Variants in AKR1B10 observed in about 807,000 individuals in gnomAD.
The protein encoded by AKR1B10 is aldo-keto reductase family 1 member B10, also known as ARP.
A neutral mutation model predicts 38.9 loss-of-function variants in AKR1B10; 39 were observed. The ratio of observed to expected loss-of-function variants is 1.00; its 90% CI spans 0.78 to 1.31. The LOEUF (loss-of-function observed/expected upper bound fraction) is 1.31. Among genes scored for constraint, AKR1B10 ranks in the 50% most tolerant of loss-of-function variants. AKR1B10 has a pLI of 0.00. For synonymous variants in AKR1B10, 148 were observed against 141.2 expected (o/e 1.05, Z -0.34); for missense variants, 361 against 382.6 (o/e 0.94, Z 0.47).
At chr7:134,531,821 G>A in intron 2 of AKR1B10, 87 bp from the exon 3 acceptor site, 2 of 1,490,130 alleles carry the variant, frequency 1.3e-6, no homozygotes, top group Non-Finnish European at 9.3e-7. Context: ...GGTTAGATGA[G>A]GATGCAAATC....
chr7:134,528,000 A>G (rs919472968), intron 1 of AKR1B10, 23 bp downstream of exon 1: 3 of 1,612,794 alleles, frequency 1.9e-6, no homozygotes, highest in Non-Finnish European at 2.5e-6. Context: ...ATCTTTGCAC[A>G]CCCTTCTTCT....
At chr7:134,536,541 CCT>C in intron 4 of AKR1B10, 107 bp from the exon 5 acceptor site, 1 of 1,491,646 alleles carries the variant, frequency 6.7e-7, no homozygotes, top group Non-Finnish European at 8.9e-7. Context: ...TTCGGCTAAC[CCT>C]GTTACGGTGG....
intron 2 of AKR1B10, 143 bp from the exon 3 acceptor site, chr7:134,531,765 C>A: frequency 1.1e-6 from 1 of 898,446 alleles, no homozygotes; most frequent in Non-Finnish European, 1.8e-6. Flanking sequence ...ATGTTCCACA[C>A]TGTGTCGTGG....
intron 1 of AKR1B10, 24 bp downstream of exon 1, chr7:134,528,001 C>A: frequency 6.2e-7 from 1 of 1,612,756 alleles, no homozygotes; most frequent in Non-Finnish European, 8.5e-7. Context: ...TCTTTGCACA[C>A]CCTTCTTCTC....
In AKR1B10 at chr7:134,537,250, G is replaced by C. The variant is rs1808037844; in HGVS notation, c.659+93G>C. ...GTTGGTATGGGTCCATAAGTTACTG[G>C]AAAGAAAAATGTGTGTAAGGTAACA... is the stretch of plus-strand genomic sequence containing the variant. On this transcript the variant is annotated intron_variant, in intron 6 of 9. Transcript: ENST00000359579. The C allele has an allele frequency of 2.0e-6, 3 of 1,487,056 alleles. No individual in the cohort carries two copies. The East Asian group carries it at 7.4e-5, about 37-fold the overall frequency. 92.1% of individuals were successfully genotyped at this position (1,487,056 alleles called of 1,614,324 possible). A position where few individuals can be genotyped will look rare whatever the true frequency, so the allele number is the denominator to read the frequency against.
intron 1 of AKR1B10, among the ~76,000 whole-genome samples, chr7:134,529,933 G>A (rs1232227579): frequency 6.6e-6 from 1 of 151,734 alleles, no homozygotes; most frequent in Non-Finnish European, 1.5e-5. Context: ...ATTGTATAAT[G>A]ATGGCCTCTA....
chr7:134,537,339 C>T (rs138166076), intron 6 of AKR1B10, among the ~76,000 whole-genome samples, 182 bp downstream of exon 6: 1 of 147,036 alleles, frequency 6.8e-6, no homozygotes, highest in Admixed American at 6.8e-5. Flanking sequence ...AACAACAACA[C>T]CAAGGGCGAC....
chr7:134,532,823 G>C (rs1310478346), intron 3 of AKR1B10, among the ~76,000 whole-genome samples, 181 bp from the exon 4 acceptor site: 1 of 152,122 alleles, frequency 6.6e-6, no homozygotes, highest in Non-Finnish European at 1.5e-5. Flanking sequence ...TAAAATATTA[G>C]TATGCTACAG....
chr7:134,530,607 AAC>A, intron 1 of AKR1B10, 34 bp from the exon 2 acceptor site: 1 of 1,611,662 alleles, frequency 6.2e-7, no homozygotes, highest in South Asian at 1.1e-5. Flanking sequence ...TCTTAAAAAA[AAC>A]ACATATGTGA....
At chr7:134,538,635 C>G (rs1445581298) in intron 8 of AKR1B10, among the ~76,000 whole-genome samples, 1 of 152,136 alleles carries the variant, frequency 6.6e-6, no homozygotes, top group Non-Finnish European at 1.5e-5. Flanking sequence ...TGTGAACTGT[C>G]CTTGGAGAAG....
chr7:134,535,120 C>G (rs1240914640), intron 4 of AKR1B10, among the ~76,000 whole-genome samples: 1 of 152,152 alleles, frequency 6.6e-6, no homozygotes, highest in African/African-American at 2.4e-5. Context: ...ATCAAAGGCA[C>G]ATGCCGCCAC....
rs745646307 is a variant in AKR1B10, at chr7:134,530,815, A to AC, written c.234+5_234+6insC. 7.5e-6 allele frequency: 12 copies of AC among 1,606,916 alleles called. No individual in the cohort carries two copies. The highest frequency in any genetic ancestry group is 1.0e-5 in the Non-Finnish European group (12 of 1,176,548). On this transcript the variant is annotated splice_donor_region_variant and intron_variant, in intron 2 of 9. Transcript: ENST00000359579. Reference sequence around the variant, plus strand: ...GACCTGTTCATCGTCAGCAAGGTGCAATGGTGCATTTGGTGGGAGGCCTTC... The same window carrying AC: ...GACCTGTTCATCGTCAGCAAGGTGCACATGGTGCATTTGGTGGGAGGCCTTC...
In AKR1B10 at chr7:134,530,796, T is replaced by C. The variant is rs1332658900; in HGVS notation, c.220T>C (p.Phe74Leu). The change falls in exon 2 of 10, where the codon TTC becomes CTC. Residue 74 changes from phenylalanine (F) to leucine (L), a missense_variant. Phe to Leu is a conservative substitution (Grantham distance 22). Around this residue, in one of 3 missense-constraint regions of AKR1B10, gnomAD observed 220 missense variants for 216.1 expected, o/e 1.02. Transcript: ENST00000359579. ...QEKAVKREDL[F>L]IVSKLWPTFF... The stretch of plus-strand genomic sequence containing the variant: ...GAAGGCTGTGAAGCGGGAGGACCTG[T>C]TCATCGTCAGCAAGGTGCAATGGTG... The C allele has an allele frequency of 6.2e-7, 1 of 1,612,436 alleles. No homozygotes were observed. The highest frequency in any genetic ancestry group is 1.1e-5 in the South Asian group (1 of 90,668).
chr7:134,538,088 T>C, intron 7 of AKR1B10, 106 bp from the exon 8 acceptor site: 1 of 1,064,378 alleles, frequency 9.4e-7, no homozygotes, highest in East Asian at 2.4e-5. Context: ...TTATTAGCGA[T>C]TGTACCTGAA....
Position 134,527,614 on chromosome 7 carries a change from C to T in AKR1B10, c.-298C>T, listed in dbSNP as rs1227042761. On this transcript the variant is annotated 5_prime_UTR_variant, in exon 1 of 10. Coordinates refer to ENST00000359579, the MANE Select transcript of AKR1B10 (RefSeq NM_020299.5). Reference sequence around the variant, plus strand: ...GGCACAGTAGCTCACACCTGTAATCCCAGCACTTTGGAAGGCCGAGGTGGG... The same window carrying T: ...GGCACAGTAGCTCACACCTGTAATCTCAGCACTTTGGAAGGCCGAGGTGGG... 4.2e-6 allele frequency: 1 copy of T among 236,152 alleles called. No individual in the cohort carries two copies. Among genetic ancestry groups the T allele is most frequent in the Non-Finnish European group, 8.6e-6 (1 of 116,812 alleles). 14.6% of individuals were successfully genotyped at this position (236,152 alleles called of 1,614,324 possible).
intron 3 of AKR1B10, 152 bp downstream of exon 3, chr7:134,532,176 AGAAACACACT>A: frequency 1.0e-6 from 1 of 954,474 alleles, no homozygotes; most frequent in Non-Finnish European, 1.6e-6. Context: ...ACCTTGGAGA[AGAAACACACT>A]GGCCTGGAAG....
At position 134,531,909 on chromosome 7, in the gene AKR1B10, T is replaced by C. The variant is rs758605056; in HGVS notation, c.236T>C (p.Leu79Ser). 1 of 1,614,136 alleles carries C rather than the reference T, an allele frequency of 6.2e-7. No homozygotes were observed. The change falls in exon 3 of 10, where the codon TTG becomes TCG. Residue 79 changes from leucine to serine, a missense_variant and splice_region_variant. By Grantham distance (145) the Leu-to-Ser change is moderately radical. Around this residue, in one of 3 missense-constraint regions of AKR1B10, gnomAD observed 220 missense variants for 216.1 expected, o/e 1.02. Transcript: ENST00000359579. ...KREDLFIVSK[L>S]WPTFFERPLV... Reference sequence around the variant, plus strand: ...AGCTCATTGCTACACTCTTTGCAGTTGTGGCCCACTTTCTTTGAGAGACCC... The same window carrying C: ...AGCTCATTGCTACACTCTTTGCAGTCGTGGCCCACTTTCTTTGAGAGACCC...
intron 4 of AKR1B10, chr7:134,535,573 C>A (rs1345699964): frequency 7.2e-6 from 7 of 971,934 alleles, no homozygotes; most frequent in African/African-American, 1.8e-5. Flanking sequence ...ATGTTTTTTC[C>A]CTCTTTTCTG....
At position 134,527,843 on chromosome 7, in the gene AKR1B10, C is replaced by T; in HGVS notation, c.-69C>T. The T allele has an allele frequency of 6.2e-7, 1 of 1,608,782 alleles. No homozygotes were observed. On this transcript the variant is annotated 5_prime_UTR_variant, in exon 1 of 10. Transcript: ENST00000359579. ...CCTTGGCAACAGTGCAAGACTGTCT[C>T]AAAAACAGCAACAGAGAGCAGGACG...
Sources: gnomAD v4.1 joint callset for allele counts (sites outside exome capture counted in the v4.1 genomes callset) on GRCh38, gnomAD v4.1.1 for gene constraint, gnomAD v4.1.1 regional missense constraint, MANE v1.5 for transcripts, NCBI Gene and HGNC (gene_info 2026-07-23, HGNC 2026-07-21) for gene names.